The following PTPRK variants were observed in gnomAD, a reference collection of about 807,000 sequenced individuals.
PTPRK encodes receptor-type tyrosine-protein phosphatase kappa.
In PTPRK, 75 loss-of-function variants were observed where a neutral mutation model predicts 178.0. That is an observed-to-expected ratio of 0.42 (90% confidence interval 0.35 to 0.51). The LOEUF is 0.51. PTPRK is among the 20% of genes least tolerant of loss of function. The pLI is 0.02. For synonymous variants in PTPRK, 637 were observed against 620.6 expected (o/e 1.03, Z -0.39); for missense variants, 1,441 against 1,797.8 (o/e 0.80, Z 3.59).
chr6:128,204,163 A>G (rs1325304663), intron 6 of PTPRK, among the ~76,000 whole-genome samples: 3 of 152,208 alleles, frequency 2.0e-5, no homozygotes, highest in African/African-American at 7.2e-5. Flanking sequence ...TGAAAAAACA[A>G]GCAATGGGGA....
At chr6:128,447,035 T>C (rs1370414489) in intron 1 of PTPRK, among the ~76,000 whole-genome samples, 1 of 152,218 alleles carries the variant, frequency 6.6e-6, no homozygotes, top group Non-Finnish European at 1.5e-5. Flanking sequence ...AGTTTCCTAT[T>C]TCTAAAATAC....
Position 128,505,511 on chromosome 6 carries a change from C to T in PTPRK, c.100+14748G>A, listed in dbSNP as rs9402046. On this transcript the variant is annotated intron_variant, in intron 1 of 29. Transcript: ENST00000368226. ...AGTTTATGAAGACAGCTGCTGCCAC[C>T]GCAATCACAAAGAAGACCTAGGTTA... Among the ~76,000 whole-genome samples the T allele has an allele frequency of 2.5e-4, 38 of 151,958 alleles. No homozygotes were observed. In the East Asian group the frequency reaches 7.0e-3, roughly 28 times the overall value.
At chr6:128,480,862 T>C (rs1044981999) in intron 1 of PTPRK, among the ~76,000 whole-genome samples, 1 of 152,126 alleles carries the variant, frequency 6.6e-6, no homozygotes, top group Non-Finnish European at 1.5e-5. Flanking sequence ...GAACAAAACC[T>C]AAAATCTTAC....
chr6:128,264,197 C>T (rs1305947564), intron 3 of PTPRK, among the ~76,000 whole-genome samples: 1 of 152,116 alleles, frequency 6.6e-6, no homozygotes, highest in Non-Finnish European at 1.5e-5. Context: ...CTGTTCCAAA[C>T]TCAGGAGTGA....
chr6:128,360,816 G>C (rs1834637859), intron 2 of PTPRK, among the ~76,000 whole-genome samples: 2 of 152,038 alleles, frequency 1.3e-5, no homozygotes, highest in African/African-American at 4.8e-5. Flanking sequence ...ACTAGCCTTA[G>C]TTTGTTTTCA....
At chr6:128,272,944 G>C (rs1820096878) in intron 3 of PTPRK, among the ~76,000 whole-genome samples, 1 of 152,168 alleles carries the variant, frequency 6.6e-6, no homozygotes, top group African/African-American at 2.4e-5. Context: ...CAATAGCAAA[G>C]ACTTGGAACC....
intron 6 of PTPRK, among the ~76,000 whole-genome samples, chr6:128,216,066 A>G (rs954232399): frequency 2.6e-5 from 4 of 152,350 alleles, no homozygotes; most frequent in East Asian, 3.9e-4. Flanking sequence ...ACCTGTACGT[A>G]TTAAATATAG....
chr6:128,006,180 TG>T, intron 14 of PTPRK: 1 of 698,374 alleles, frequency 1.4e-6, no homozygotes, highest in Non-Finnish European at 2.1e-6. Context: ...ATAAAATTCA[TG>T]TTTTTTTTGC....
intron 7 of PTPRK, among the ~76,000 whole-genome samples, chr6:128,145,399 T>A (rs944438242): frequency 3.3e-5 from 5 of 152,272 alleles, no homozygotes; most frequent in Non-Finnish European, 5.9e-5. Context: ...CATAAAGTTG[T>A]GTATATTAAA....
In PTPRK at chr6:128,322,035, T is replaced by G; in HGVS notation, c.495+4A>C. ...ACATACACCAGAAAAGTACAGATGATTACCTGATATTCATTGGGCCAAAAG... is the reference window on the plus strand; with the variant it reads ...ACATACACCAGAAAAGTACAGATGAGTACCTGATATTCATTGGGCCAAAAG... On this transcript the variant is annotated splice_donor_region_variant and intron_variant, in intron 3 of 29. Transcript: ENST00000368226. 6.2e-7 allele frequency: 1 copy of G among 1,613,846 alleles called. No homozygotes were observed. The highest frequency in any genetic ancestry group is 1.1e-5 in the South Asian group (1 of 91,072).
chr6:127,976,517 A>T, intron 27 of PTPRK, 140 bp downstream of exon 27: 1 of 1,064,240 alleles, frequency 9.4e-7, no homozygotes, highest in Non-Finnish European at 1.3e-6. Flanking sequence ...GTACTAAGGC[A>T]TAAGATGGTT....
intron 2 of PTPRK, among the ~76,000 whole-genome samples, chr6:128,376,588 C>T (rs571415578): frequency 5.9e-5 from 9 of 152,284 alleles, no homozygotes; most frequent in Admixed American, 2.6e-4. Flanking sequence ...GATTAACATT[C>T]GGCTCCTCAT....
rs758933245 is a variant in PTPRK, at chr6:127,985,792, C to G, written c.3180G>C (p.Gly1060=). ...PDHGVPYHAT[G]LLSFIRRVKL... is the part of the protein sequence containing the mutation. ...TGACTCGCCGGATAAAGGAAAGCAG[C>G]CCTGTAGCATGGTAGGGCACTCCAT... Residue 1060 remains glycine, a synonymous_variant, in exon 22 of 30, where the codon GGG becomes GGC. Transcript: ENST00000368226. 1 of 1,613,796 alleles carries G rather than the reference C, an allele frequency of 6.2e-7. No individual in the cohort carries two copies. The highest frequency in any genetic ancestry group is 1.3e-5 in the African/African-American group (1 of 74,902).
chr6:128,335,288 G>A (rs533467398), intron 2 of PTPRK, among the ~76,000 whole-genome samples: 15 of 152,162 alleles, frequency 9.9e-5, no homozygotes, highest in East Asian at 7.7e-4. Flanking sequence ...CAAGGATTAC[G>A]GAAGTGGGAA....
intron 7 of PTPRK, among the ~76,000 whole-genome samples, chr6:128,163,172 C>T (rs940687014): frequency 2.0e-5 from 3 of 150,964 alleles, no homozygotes; most frequent in African/African-American, 7.3e-5. Context: ...TTTCATTTTC[C>T]CCATTCTCTT....
chr6:128,238,804 C>T (rs1450315366), intron 5 of PTPRK, among the ~76,000 whole-genome samples: 1 of 152,050 alleles, frequency 6.6e-6, no homozygotes, highest in Admixed American at 6.6e-5. Flanking sequence ...CCCTCATCTC[C>T]TTTTCATATT....
chr6:128,493,638 ACACAC>A (rs1854229498), intron 1 of PTPRK, among the ~76,000 whole-genome samples: 2 of 150,026 alleles, frequency 1.3e-5, no homozygotes, highest in African/African-American at 2.5e-5. Flanking sequence ...ACACACACAC[ACACAC>A]ACAGAAACAA....
chr6:128,118,981 T>A (rs777031720), intron 7 of PTPRK, among the ~76,000 whole-genome samples: 3 of 152,206 alleles, frequency 2.0e-5, no homozygotes, highest in Non-Finnish European at 4.4e-5. Flanking sequence ...GAGCTTCCAT[T>A]TAGTCTTGAA....
chr6:128,133,731 T>TC (rs369533208), intron 7 of PTPRK, among the ~76,000 whole-genome samples: 4 of 151,098 alleles, frequency 2.6e-5, no homozygotes, highest in Admixed American at 1.3e-4. Context: ...TTTTTTTTTT[T>TC]CCCCTGAGAC....
Sources: gnomAD v4.1 joint callset for allele counts (sites outside exome capture counted in the v4.1 genomes callset) on GRCh38, gnomAD v4.1.1 for gene constraint, MANE v1.5 for transcripts, NCBI Gene and HGNC (gene_info 2026-07-23, HGNC 2026-07-21) for gene names.